The following MAGI2 variants were observed in gnomAD, a reference collection of about 807,000 sequenced individuals.
MAGI2 encodes the protein membrane associated guanylate kinase, WW and PDZ domain containing 2.
Under a neutral mutation model 133.3 loss-of-function variants are expected in MAGI2, and 35 were observed. The observed-to-expected ratio is 0.26, with a 90% CI of 0.20 to 0.35. The LOEUF (loss-of-function observed/expected upper bound fraction) is 0.35. Ranked by LOEUF, MAGI2 falls within the 10% of genes least tolerant of loss-of-function variation. The probability of loss-of-function intolerance (pLI) is 1.00; values close to 1 mark genes in which losing one functional copy is unlikely to be tolerated. For missense variants in MAGI2, 1,636 were observed against 1,863.4 expected (o/e 0.88, Z 2.25); for synonymous variants, 729 against 710.6 (o/e 1.03, Z -0.41).
intron 6 of MAGI2, among the ~76,000 whole-genome samples, chr7:78,380,984 C>T (rs1019924268): frequency 1.3e-5 from 2 of 152,152 alleles, no homozygotes; most frequent in Non-Finnish European, 2.9e-5. Flanking sequence ...TGAGCCCCAT[C>T]TTTCTAGCTT....
At chr7:79,373,882 T>C (rs551163323) in intron 1 of MAGI2, among the ~76,000 whole-genome samples, 2 of 152,180 alleles carry the variant, frequency 1.3e-5, no homozygotes, top group Non-Finnish European at 1.5e-5. Context: ...TGCTGTTAAT[T>C]GTAAAAGTAA....
intron 1 of MAGI2, among the ~76,000 whole-genome samples, chr7:79,427,261 G>A (rs1439061913): frequency 6.6e-6 from 1 of 152,144 alleles, no homozygotes; most frequent in Non-Finnish European, 1.5e-5. Flanking sequence ...TAGATAAGAT[G>A]CAGGACTTAA....
intron 10 of MAGI2, among the ~76,000 whole-genome samples, chr7:78,223,447 G>T (rs140702014): frequency 6.6e-6 from 1 of 152,018 alleles, no homozygotes; most frequent in African/African-American, 2.4e-5. Flanking sequence ...TTGTAAAGAG[G>T]GAAGACATAA....
chr7:79,153,165 G>T (rs1026704602), intron 1 of MAGI2, among the ~76,000 whole-genome samples: 7 of 152,098 alleles, frequency 4.6e-5, no homozygotes, highest in African/African-American at 1.4e-4. Context: ...AAATACCCAG[G>T]ATAGTTGAGA....
At chr7:78,424,230 C>T (rs1311767492) in intron 6 of MAGI2, among the ~76,000 whole-genome samples, 1 of 152,200 alleles carries the variant, frequency 6.6e-6, no homozygotes, top group Non-Finnish European at 1.5e-5. Flanking sequence ...ACAGCTCAGG[C>T]TGTTGCCTCA....
At chr7:78,799,336 T>C (rs1267556605) in intron 2 of MAGI2, among the ~76,000 whole-genome samples, 1 of 152,162 alleles carries the variant, frequency 6.6e-6, no homozygotes, top group Admixed American at 6.5e-5. Flanking sequence ...GAGCACCAAA[T>C]GTAAACTCTA....
At chr7:79,189,340 C>A (rs889391060) in intron 1 of MAGI2, among the ~76,000 whole-genome samples, 3 of 147,944 alleles carry the variant, frequency 2.0e-5, no homozygotes, top group African/African-American at 5.1e-5. Flanking sequence ...AAAATGGCAC[C>A]CTTCTTTAAC....
chr7:79,449,090 GA>G (rs1193976636), intron 1 of MAGI2, among the ~76,000 whole-genome samples: 2 of 152,028 alleles, frequency 1.3e-5, no homozygotes, highest in South Asian at 2.1e-4. Context: ...CATTTCTACA[GA>G]AAAAAAGTCA....
At chr7:78,652,445 C>G (rs866609767) in intron 2 of MAGI2, among the ~76,000 whole-genome samples, 4 of 152,104 alleles carry the variant, frequency 2.6e-5, no homozygotes, top group African/African-American at 7.2e-5. Flanking sequence ...ACAAATGGAA[C>G]AGAACAGAGG....
rs138731498 is a variant in MAGI2, at chr7:78,817,083, G to A, written c.419-189844C>T. Among the ~76,000 whole-genome samples the A allele has an allele frequency of 7.7e-3, 1,179 of 152,252 alleles. 41 individuals are homozygous for A. Among genetic ancestry groups the A allele is most frequent in the Admixed American group, 0.051 (780 of 15,276 alleles). Reference sequence around the variant, plus strand: ...GAATTTGGATAAATTGAATCCAACCGTCATGGATGACTTTTAGGGGTTCAA... The same window carrying A: ...GAATTTGGATAAATTGAATCCAACCATCATGGATGACTTTTAGGGGTTCAA... On this transcript the variant is annotated intron_variant, in intron 2 of 21. Coordinates refer to ENST00000354212, the MANE Select transcript of MAGI2 (RefSeq NM_012301.4).
rs1395339303 is a variant in MAGI2 at position 78,019,032 on chromosome 7, A to G, written c.*283T>C. 2.4e-6 allele frequency: 1 copy of G among 417,562 alleles called. No individual in the cohort carries two copies. Among genetic ancestry groups the G allele is most frequent in the African/African-American group, 2.1e-5 (1 of 48,650 alleles). The allele number at this position is 417,562 out of a possible 1,614,324, so 25.9% of individuals were successfully genotyped here. A position where few individuals can be genotyped will look rare whatever the true frequency, so the allele number is the denominator to read the frequency against. ...TTTTTTTTTCTTAAACTAAAGCTAC[A>G]CTGCACTGTCTCTCTGTGATGTTCT... is the stretch of plus-strand genomic sequence containing the variant. On this transcript the variant is annotated 3_prime_UTR_variant, in exon 22 of 22. Transcript: ENST00000354212.
chr7:78,889,145 T>C (rs115242676), intron 2 of MAGI2, among the ~76,000 whole-genome samples: 1 of 151,916 alleles, frequency 6.6e-6, no homozygotes, highest in Non-Finnish European at 1.5e-5. Flanking sequence ...GAAGATCAAA[T>C]TAATAAAATG....
chr7:78,343,987 A>G (rs1790648743), intron 8 of MAGI2, 27 bp from the exon 9 acceptor site: 1 of 1,592,734 alleles, frequency 6.3e-7, no homozygotes, highest in Admixed American at 1.8e-5. Context: ...AAGTTAAAAA[A>G]GAAAAAGGCA....
intron 6 of MAGI2, among the ~76,000 whole-genome samples, chr7:78,489,368 A>G (rs1332107477): frequency 6.6e-6 from 1 of 152,080 alleles, no homozygotes; most frequent in African/African-American, 2.4e-5. Flanking sequence ...TAGAATGCTA[A>G]GCCTTTCAAA....
intron 18 of MAGI2, among the ~76,000 whole-genome samples, chr7:78,131,993 C>G (rs7800957): frequency 0.99 from 150,688 of 152,272 alleles, 74,565 homozygotes; most frequent in East Asian, 1. Flanking sequence ...TCCTGCCTCA[C>G]CCTCCCAAGT....
At position 78,070,174 on chromosome 7, in the gene MAGI2, CATATATATATATATATATAT is replaced by C. The variant is rs57714371; in HGVS notation, c.3706+8753_3706+8772del. 2.3e-3 allele frequency among the ~76,000 whole-genome samples: 129 copies of C among 56,666 alleles called. 1 individual carries two copies. The highest frequency in any genetic ancestry group is 7.9e-3 in the African/African-American group (115 of 14,486). 37.2% of individuals were successfully genotyped at this position (56,666 alleles called of 152,430 possible). Reference sequence around the variant, plus strand: ...ACACACATATATATACACACACACACATATATATATATATATATATATATATATATATATATATATATATA... The same window carrying C: ...ACACACATATATATACACACACACACATATATATATATATATATATATATA... On this transcript the variant is annotated intron_variant, in intron 21 of 21. Coordinates refer to ENST00000354212, the MANE Select transcript of MAGI2 (RefSeq NM_012301.4).
At chr7:79,132,714 G>T (rs958486960) in intron 1 of MAGI2, among the ~76,000 whole-genome samples, 2 of 152,082 alleles carry the variant, frequency 1.3e-5, no homozygotes, top group Admixed American at 1.3e-4. Flanking sequence ...TGAGGTAAAA[G>T]TTTAAACTGT....
rs182289736 is a variant in MAGI2, at chr7:78,061,684, C to T, written c.3706+17263G>A. Among the ~76,000 whole-genome samples the T allele has an allele frequency of 1.9e-3, 283 of 152,252 alleles. 1 individual carries two copies. Among genetic ancestry groups the T allele is most frequent in the Middle Eastern group, 6.8e-3 (2 of 294 alleles). ...GGTGGCAAACAGACACAAGAGTCCTCTGCACAGTGGGACAGGTGGAACCAT... is the reference window on the plus strand; with the variant it reads ...GGTGGCAAACAGACACAAGAGTCCTTTGCACAGTGGGACAGGTGGAACCAT... On this transcript the variant is annotated intron_variant, in intron 21 of 21. Coordinates refer to ENST00000354212, the MANE Select transcript of MAGI2 (RefSeq NM_012301.4).
chr7:78,240,062 C>T (rs1790975668), intron 10 of MAGI2, among the ~76,000 whole-genome samples: 1 of 151,832 alleles, frequency 6.6e-6, no homozygotes, highest in Non-Finnish European at 1.5e-5. Context: ...TGTACATGTG[C>T]CATGTTGGTT....
Sources: allele counts gnomAD v4.1 joint callset (sites outside exome capture counted in the v4.1 genomes callset), GRCh38; gene constraint gnomAD v4.1.1; transcripts MANE v1.5; gene names NCBI Gene and HGNC (gene_info 2026-07-23, HGNC 2026-07-21).